PLD5: variants seen among roughly 807,000 people sequenced by gnomAD.
PLD5 encodes inactive phospholipase D5.
Under a neutral mutation model 61.1 loss-of-function variants are expected in PLD5, and 36 were observed. The observed-to-expected ratio is 0.59, with a 90% confidence interval of 0.45 to 0.78. The LOEUF (loss-of-function observed/expected upper bound fraction) is 0.78. Ranked by LOEUF, PLD5 falls within the 30% of genes least tolerant of loss-of-function variation. The pLI, the probability that PLD5 is intolerant of heterozygous loss-of-function variation, is 0.00. For missense variants in PLD5, 515 were observed against 644.4 expected, an observed-to-expected ratio of 0.80 and a Z score of 2.17; for synonymous variants, 243 against 242.8, an observed-to-expected ratio of 1.00 and a Z score of -0.01.
rs529931322 is a variant in PLD5 at position 242,100,520 on chromosome 1, G to A, written c.1354+148C>T. 660 of 618,836 alleles carry A rather than the reference G, an allele frequency of 1.1e-3. 1 individual carries two copies. The highest frequency in any genetic ancestry group is 1.6e-3 in the Non-Finnish European group (548 of 344,384). 38.3% of individuals were successfully genotyped at this position (618,836 alleles called of 1,614,324 possible). On this transcript the variant is annotated intron_variant, in intron 9 of 9. Coordinates refer to ENST00000536534, the MANE Select transcript of PLD5 (RefSeq NM_001372062.1). ...GAATGATGAGCTCCCTGTCCTTACC[G>A]TCCTGTTTCCTCATCTCCATTTCCC... is the stretch of plus-strand genomic sequence containing the variant.
chr1:242,187,467 C>T (rs894114495), intron 5 of PLD5, among the ~76,000 whole-genome samples: 2 of 152,114 alleles, frequency 1.3e-5, no homozygotes, highest in Non-Finnish European at 2.9e-5. Flanking sequence ...TGCACTTGTG[C>T]ATATTCATAA....
chr1:242,194,628 ATCT>A, intron 5 of PLD5, among the ~76,000 whole-genome samples: 1 of 138,256 alleles, frequency 7.2e-6, no homozygotes, highest in African/African-American at 2.7e-5. Context: ...GTATCTATCT[ATCT>A]ATCTATCTAT....
intron 5 of PLD5, among the ~76,000 whole-genome samples, chr1:242,212,881 AGATCT>A (rs1471123299): frequency 2.0e-5 from 3 of 152,236 alleles, no homozygotes; most frequent in Non-Finnish European, 4.4e-5. Flanking sequence ...GGCTCTTTCA[AGATCT>A]GATTTGGGTA....
chr1:242,518,441 T>A (rs540026240), intron 1 of PLD5, among the ~76,000 whole-genome samples: 1 of 152,324 alleles, frequency 6.6e-6, no homozygotes, highest in East Asian at 1.9e-4. Context: ...TGGTGTGAGA[T>A]CGTGCCACAG....
At chr1:242,506,548 A>G (rs574429080) in intron 1 of PLD5, among the ~76,000 whole-genome samples, 6 of 152,290 alleles carry the variant, frequency 3.9e-5, no homozygotes, top group African/African-American at 1.4e-4. Context: ...AGAATAGGAA[A>G]TCAGGATGTA....
At chr1:242,398,389 T>C (rs1663725051) in intron 1 of PLD5, among the ~76,000 whole-genome samples, 1 of 152,232 alleles carries the variant, frequency 6.6e-6, no homozygotes, top group Non-Finnish European at 1.5e-5. Context: ...AAGTTTTATC[T>C]GCTGAAAATA....
At chr1:242,246,927 G>A (rs1476277012) in intron 4 of PLD5, among the ~76,000 whole-genome samples, 1 of 151,856 alleles carries the variant, frequency 6.6e-6, no homozygotes, top group African/African-American at 2.4e-5. Context: ...GAAAAAGTGA[G>A]ACCCTTGAAG....
At chr1:242,503,925 C>A (rs1051771963) in intron 1 of PLD5, among the ~76,000 whole-genome samples, 5 of 152,178 alleles carry the variant, frequency 3.3e-5, no homozygotes, top group African/African-American at 7.2e-5. Flanking sequence ...CAACTCTTCA[C>A]ATTTTTTATG....
intron 1 of PLD5, among the ~76,000 whole-genome samples, chr1:242,489,375 T>TAA (rs11353482): frequency 0.11 from 15,466 of 145,130 alleles, 978 homozygotes; most frequent in Middle Eastern, 0.17. Flanking sequence ...TACATTTGAT[T>TAA]AAAAAAAAAA....
At chr1:242,327,318 T>A (rs1658861251) in intron 2 of PLD5, among the ~76,000 whole-genome samples, 1 of 152,198 alleles carries the variant, frequency 6.6e-6, no homozygotes, top group Non-Finnish European at 1.5e-5. Context: ...ATCTTTTATA[T>A]GAGTTTATTT....
chr1:242,517,332 T>C (rs1228654822), intron 1 of PLD5, among the ~76,000 whole-genome samples: 1 of 152,214 alleles, frequency 6.6e-6, no homozygotes, highest in Non-Finnish European at 1.5e-5. Context: ...TTTAAAGAAA[T>C]GGTTTATCGG....
chr1:242,324,659 T>C (rs988032745), intron 2 of PLD5, among the ~76,000 whole-genome samples: 1 of 152,210 alleles, frequency 6.6e-6, no homozygotes, highest in African/African-American at 2.4e-5. Flanking sequence ...TTAAGAATTA[T>C]GGCTCAGGAG....
chr1:242,301,458 T>A (rs926681384), intron 2 of PLD5, among the ~76,000 whole-genome samples: 1 of 151,992 alleles, frequency 6.6e-6, no homozygotes, highest in African/African-American at 2.4e-5. Flanking sequence ...CAGGGAAATA[T>A]CTCTGTCTCC....
chr1:242,500,581 G>A (rs955479209), intron 1 of PLD5, among the ~76,000 whole-genome samples: 3 of 152,170 alleles, frequency 2.0e-5, no homozygotes, highest in East Asian at 1.9e-4. Flanking sequence ...AAGATGTGAC[G>A]GTTGGTACAG....
intron 2 of PLD5, among the ~76,000 whole-genome samples, chr1:242,312,528 C>T (rs2149175481): frequency 6.6e-6 from 1 of 152,096 alleles, no homozygotes; most frequent in East Asian, 1.9e-4. Context: ...GATCTCTTGC[C>T]CCAGATATCT....
intron 2 of PLD5, among the ~76,000 whole-genome samples, chr1:242,320,526 A>G (rs745894155): frequency 1.3e-5 from 2 of 152,204 alleles, no homozygotes; most frequent in Non-Finnish European, 2.9e-5. Context: ...AGGCTGCTGC[A>G]CACAGCAAAG....
At chr1:242,444,639 T>G (rs1249950065) in intron 1 of PLD5, among the ~76,000 whole-genome samples, 1 of 147,016 alleles carries the variant, frequency 6.8e-6, no homozygotes, top group East Asian at 1.9e-4. Context: ...TATTATATAT[T>G]TATATAAAAT....
At chr1:242,381,238 G>A (rs909073145) in intron 1 of PLD5, among the ~76,000 whole-genome samples, 12 of 152,158 alleles carry the variant, frequency 7.9e-5, no homozygotes, top group African/African-American at 2.9e-4. Flanking sequence ...ACAAGATCAT[G>A]TCCTTTGGAG....
chr1:242,304,804 G>A (rs901639582), intron 2 of PLD5, among the ~76,000 whole-genome samples: 3 of 152,154 alleles, frequency 2.0e-5, no homozygotes, highest in African/African-American at 7.2e-5. Context: ...AACAGTTTTT[G>A]GTAATGAAAA....
Sources: allele counts gnomAD v4.1 joint callset (sites outside exome capture counted in the v4.1 genomes callset), GRCh38; gene constraint gnomAD v4.1.1; transcripts MANE v1.5; gene names NCBI Gene and HGNC (gene_info 2026-07-23, HGNC 2026-07-21).